ALG9: variants seen among roughly 807,000 people sequenced by gnomAD.
The protein encoded by ALG9 is ALG9 alpha-1,2-mannosyltransferase.
Under a neutral mutation model 81.8 loss-of-function variants are expected in ALG9, and 55 were observed. That is an observed-to-expected ratio of 0.67 (90% CI 0.54 to 0.84). The LOEUF (loss-of-function observed/expected upper bound fraction) is 0.84, where lower values mean the gene tolerates loss of function less well. Among genes scored for constraint, ALG9 ranks in the 40% least tolerant of loss-of-function variants. The pLI is 0.00. For synonymous variants in ALG9, 278 were observed against 274.3 expected (o/e 1.01, Z -0.13); for missense variants, 629 against 745.0 (o/e 0.84, Z 1.81).
intron 13 of ALG9, among the ~76,000 whole-genome samples, chr11:111,816,951 G>C (rs1036050636): frequency 5.3e-5 from 8 of 152,192 alleles, no homozygotes; most frequent in Admixed American, 4.6e-4. Context: ...AGAGTTCAGA[G>C]AGGATGAGAT....
At chr11:111,797,865 G>A (rs1555076720) in intron 14 of ALG9, among the ~76,000 whole-genome samples, 2 of 152,130 alleles carry the variant, frequency 1.3e-5, no homozygotes, top group Non-Finnish European at 2.9e-5. Context: ...ATCCTACGTA[G>A]GCACTGAAAG....
intron 1 of ALG9, 32 bp from the exon 2 acceptor site, chr11:111,870,402 A>G: frequency 6.6e-7 from 1 of 1,511,206 alleles, no homozygotes; most frequent in Non-Finnish European, 8.8e-7. Context: ...AAAAAAAAAA[A>G]AAGCATGTCA....
At chr11:111,811,176 A>C (rs1240477984) in intron 13 of ALG9, among the ~76,000 whole-genome samples, 1 of 152,246 alleles carries the variant, frequency 6.6e-6, no homozygotes, top group Non-Finnish European at 1.5e-5. Flanking sequence ...ATAAAAATAT[A>C]ATTTACAAGC....
chr11:111,867,497 T>A (rs918886395), intron 3 of ALG9, among the ~76,000 whole-genome samples: 3 of 151,864 alleles, frequency 2.0e-5, no homozygotes, highest in Non-Finnish European at 2.9e-5. Flanking sequence ...GTAAAAAAAA[T>A]TAGAAGATAT....
chr11:111,862,890 G>A (rs1960841036), intron 4 of ALG9, among the ~76,000 whole-genome samples: 1 of 151,936 alleles, frequency 6.6e-6, no homozygotes, highest in Admixed American at 6.6e-5. Context: ...ACGTTCTGTT[G>A]ACTGTTATTT....
chr11:111,793,580 T>C (rs1749460902), intron 14 of ALG9, among the ~76,000 whole-genome samples: 1 of 151,798 alleles, frequency 6.6e-6, no homozygotes, highest in Non-Finnish European at 1.5e-5. Flanking sequence ...GCTAACATGG[T>C]GAAACCCCTT....
chr11:111,851,930 C>CT (rs1224574580), intron 8 of ALG9, among the ~76,000 whole-genome samples: 1 of 152,224 alleles, frequency 6.6e-6, no homozygotes, highest in Non-Finnish European at 1.5e-5. Flanking sequence ...TAATTATTCT[C>CT]TAACTGTGCA....
intron 5 of ALG9, among the ~76,000 whole-genome samples, chr11:111,859,234 T>A (rs1339297315): frequency 6.6e-6 from 1 of 152,172 alleles, no homozygotes; most frequent in Non-Finnish European, 1.5e-5. Flanking sequence ...CCACGTGCGG[T>A]GGCTCACACC....
chr11:111,826,001 G>T (rs1437771877), intron 13 of ALG9, among the ~76,000 whole-genome samples: 3 of 151,380 alleles, frequency 2.0e-5, no homozygotes, highest in African/African-American at 7.3e-5. Flanking sequence ...AGGAGGCAGA[G>T]GTTGCGGTGA....
intron 14 of ALG9, chr11:111,788,566 A>G (rs1421508948): frequency 2.4e-6 from 1 of 409,922 alleles, no homozygotes; most frequent in Non-Finnish European, 4.7e-6. Context: ...CAACAAATTG[A>G]GACCTGTGTT....
chr11:111,842,509 C>T (rs1246026662), intron 9 of ALG9, among the ~76,000 whole-genome samples: 2 of 152,052 alleles, frequency 1.3e-5, no homozygotes, highest in Admixed American at 6.6e-5. Context: ...GTAGCCTTGA[C>T]CTCCTAGGCT....
At chr11:111,818,031 G>A (rs1008266465) in intron 13 of ALG9, among the ~76,000 whole-genome samples, 6 of 151,922 alleles carry the variant, frequency 3.9e-5, no homozygotes, top group South Asian at 4.2e-4. Context: ...CGCCCACTTC[G>A]GCCTCCCAAA....
At chr11:111,864,276 C>T in intron 4 of ALG9, 3 of 1,134,382 alleles carry the variant, frequency 2.6e-6, no homozygotes, top group Non-Finnish European at 4.0e-6. Flanking sequence ...TCCAGCGTTG[C>T]CGCTATGAAG....
chr11:111,797,080 T>C (rs1002115424), intron 14 of ALG9, among the ~76,000 whole-genome samples: 10 of 152,358 alleles, frequency 6.6e-5, no homozygotes, highest in African/African-American at 2.2e-4. Context: ...CCAATTTGGA[T>C]GGAGAACGGC....
Position 111,809,613 on chromosome 11 carries a change from G to A in ALG9, c.1733+30C>T, listed in dbSNP as rs782457252. Reference sequence around the variant, plus strand: ...TCCAATTTTTACCCATACTAGTCCTGGAATATCCCATAGGATTAAAGCCAC... The same window carrying A: ...TCCAATTTTTACCCATACTAGTCCTAGAATATCCCATAGGATTAAAGCCAC... On this transcript the variant is annotated intron_variant, in intron 14 of 14. Transcript: ENST00000616540. 13 of 1,613,248 alleles carry A rather than the reference G, an allele frequency of 8.1e-6. No individual in the cohort carries two copies. The Admixed American group carries it at 1.7e-4, about 21-fold the overall frequency.
chr11:111,829,428 C>T (rs1953943879), intron 13 of ALG9, among the ~76,000 whole-genome samples: 1 of 152,158 alleles, frequency 6.6e-6, no homozygotes, highest in Admixed American at 6.5e-5. Context: ...TCTGTTTCAA[C>T]CCACTAGAAG....
At chr11:111,798,232 C>A (rs1948596091) in intron 14 of ALG9, 1 of 301,176 alleles carries the variant, frequency 3.3e-6, no homozygotes, top group Non-Finnish European at 6.5e-6. Flanking sequence ...AAAATAAAAT[C>A]TCACAATCCC....
In ALG9 at chr11:111,830,678, G is replaced by A. The variant is rs1954197502; in HGVS notation, c.1602+5487C>T. Among the ~76,000 whole-genome samples, 3 of 152,234 alleles carry A rather than the reference G, an allele frequency of 2.0e-5. No homozygotes were observed. In the South Asian group the frequency reaches 6.2e-4, roughly 32 times the overall value. On this transcript the variant is annotated intron_variant, in intron 13 of 14. Transcript: ENST00000616540. Reference sequence around the variant, plus strand: ...AACAATTAGTGAGGAAACAAATAGGGCAAGTTATTTTTTCCTCCAATAAGG... The same window carrying A: ...AACAATTAGTGAGGAAACAAATAGGACAAGTTATTTTTTCCTCCAATAAGG...
At chr11:111,792,372 G>A (rs149468127) in intron 14 of ALG9, among the ~76,000 whole-genome samples, 3 of 152,334 alleles carry the variant, frequency 2.0e-5, no homozygotes, top group Non-Finnish European at 4.4e-5. Flanking sequence ...TGGATGGACT[G>A]CTGAAGACAG....
Sources: allele counts gnomAD v4.1 joint callset (sites outside exome capture counted in the v4.1 genomes callset), GRCh38; gene constraint gnomAD v4.1.1; transcripts MANE v1.5; gene names NCBI Gene and HGNC (gene_info 2026-07-23, HGNC 2026-07-21).